Variants in GRIP1 observed in about 807,000 individuals in gnomAD.
GRIP1 encodes the protein glutamate receptor-interacting protein 1.
In GRIP1, 45 loss-of-function variants were observed where a neutral mutation model predicts 129.9. The ratio of observed to expected loss-of-function variants is 0.35; its 90% CI spans 0.27 to 0.44. The LOEUF is 0.44. Ranked by LOEUF, GRIP1 falls within the 20% of genes least tolerant of loss-of-function variation. The pLI, the probability that GRIP1 is intolerant of heterozygous loss-of-function variation, is 1.00. For missense variants in GRIP1, 1,196 were observed against 1,396.8 expected (o/e 0.86, Z 2.29); for synonymous variants, 530 against 520.8 (o/e 1.02, Z -0.24).
chr12:66,870,390 G>A (rs1487803870), intron 1 of GRIP1, among the ~76,000 whole-genome samples: 1 of 152,038 alleles, frequency 6.6e-6, no homozygotes, highest in African/African-American at 2.4e-5. Flanking sequence ...AGAAATGTTT[G>A]GTAATGTTAT....
At chr12:66,412,097 C>T (rs896608020) in intron 15 of GRIP1, among the ~76,000 whole-genome samples, 15 of 152,150 alleles carry the variant, frequency 9.9e-5, no homozygotes, top group Admixed American at 2.6e-4. Flanking sequence ...CCTAGCAAGA[C>T]AGGCCAACAT....
chr12:66,451,418 T>TTTTTTTTTTTC (rs2058801429), intron 11 of GRIP1, among the ~76,000 whole-genome samples: 1 of 115,228 alleles, frequency 8.7e-6, no homozygotes, highest in African/African-American at 3.7e-5. Context: ...TTTTTTTTTT[T>TTTTTTTTTTTC]TTTCAGATAG....
At chr12:66,358,662 T>C (rs2054606372) in intron 23 of GRIP1, among the ~76,000 whole-genome samples, 1 of 152,114 alleles carries the variant, frequency 6.6e-6, no homozygotes, top group South Asian at 2.1e-4. Flanking sequence ...TTGGCCAGGA[T>C]GGTCTTGAAC....
At chr12:66,777,394 C>T (rs148626233) in intron 1 of GRIP1, among the ~76,000 whole-genome samples, 1 of 152,270 alleles carries the variant, frequency 6.6e-6, no homozygotes, top group Non-Finnish European at 1.5e-5. Flanking sequence ...AGATATTGAG[C>T]AAACCTCACC....
intron 1 of GRIP1, among the ~76,000 whole-genome samples, chr12:66,777,689 T>G (rs1216400381): frequency 6.6e-6 from 1 of 152,166 alleles, no homozygotes; most frequent in Non-Finnish European, 1.5e-5. Context: ...GGACCACACA[T>G]ATATGTACAC....
At chr12:66,753,097 A>G (rs2037178255) in intron 1 of GRIP1, among the ~76,000 whole-genome samples, 1 of 152,128 alleles carries the variant, frequency 6.6e-6, no homozygotes, top group Non-Finnish European at 1.5e-5. Context: ...ATTCTAGCCA[A>G]AATAGAACAT....
chr12:66,861,044 A>G (rs2040103412), intron 1 of GRIP1, among the ~76,000 whole-genome samples: 1 of 152,078 alleles, frequency 6.6e-6, no homozygotes, highest in Non-Finnish European at 1.5e-5. Flanking sequence ...ATATATCTCT[A>G]CCTTATTAGG....
intron 11 of GRIP1, among the ~76,000 whole-genome samples, chr12:66,450,210 A>G (rs1313602425): frequency 6.8e-6 from 1 of 147,106 alleles, no homozygotes; most frequent in African/African-American, 2.5e-5. Flanking sequence ...AGGCTGAGGC[A>G]GCAGAATGGC....
chr12:67,062,165 A>T (rs1413854250), intron 1 of GRIP1, among the ~76,000 whole-genome samples: 1 of 152,192 alleles, frequency 6.6e-6, no homozygotes, highest in Non-Finnish European at 1.5e-5. Flanking sequence ...CCTCTGTTGG[A>T]AGCCTATCAA....
rs1021625413 is a variant in GRIP1, at chr12:66,347,657, T to C, written c.*1362A>G. 1.3e-5 allele frequency: 2 copies of C among 152,228 alleles called. No homozygotes were observed. Among genetic ancestry groups the C allele is most frequent in the Non-Finnish European group, 2.9e-5 (2 of 68,032 alleles). 9.4% of individuals were successfully genotyped at this position (152,228 alleles called of 1,614,324 possible). A position where few individuals can be genotyped will look rare whatever the true frequency, so the allele number is the denominator to read the frequency against. On this transcript the variant is annotated 3_prime_UTR_variant, in exon 25 of 25. Transcript: ENST00000359742. Reference sequence around the variant, plus strand: ...ACATATTTAAGTGACTCATGATCTTTTTTTCTTTTTTCTTAACATGATCCT... The same window carrying C: ...ACATATTTAAGTGACTCATGATCTTCTTTTCTTTTTTCTTAACATGATCCT...
At chr12:67,027,005 C>G (rs1206818452) in intron 1 of GRIP1, among the ~76,000 whole-genome samples, 1 of 152,168 alleles carries the variant, frequency 6.6e-6, no homozygotes, top group Non-Finnish European at 1.5e-5. Flanking sequence ...TCACTACAGC[C>G]TCGACCTCCA....
intron 1 of GRIP1, among the ~76,000 whole-genome samples, chr12:66,916,771 GA>G (rs987018005): frequency 2.7e-5 from 4 of 150,464 alleles, no homozygotes; most frequent in South Asian, 4.2e-4. Context: ...CCTCTAATAG[GA>G]AAAAAAAATC....
intron 1 of GRIP1, among the ~76,000 whole-genome samples, chr12:66,844,008 GAA>G (rs1276495738): frequency 6.6e-6 from 1 of 152,052 alleles, no homozygotes; most frequent in Non-Finnish European, 1.5e-5. Flanking sequence ...TCAACATATT[GAA>G]AAGTCAGCCT....
At position 66,539,545 on chromosome 12, in the gene GRIP1, C is replaced by CTTTTTTTTTTT. The variant is rs35373698; in HGVS notation, c.273-333_273-323dup. ...CACCATAAAACAAAATCAAGAGAAG[C>CTTTTTTTTTTT]TTTTTTTTTTTTTTTTTTTTTTTTC... On this transcript the variant is annotated intron_variant, in intron 3 of 24. Coordinates refer to ENST00000359742, the MANE Select transcript of GRIP1 (RefSeq NM_001366722.1). Among the ~76,000 whole-genome samples, 396 of 59,292 alleles carry CTTTTTTTTTTT rather than the reference C, an allele frequency of 6.7e-3. 1 individual carries two copies. Among genetic ancestry groups the CTTTTTTTTTTT allele is most frequent in the Non-Finnish European group, 8.2e-3 (274 of 33,412 alleles). The allele number at this position is 59,292 out of a possible 152,430, so 38.9% of individuals were successfully genotyped here.
At chr12:66,989,859 T>C (rs1486424590) in intron 1 of GRIP1, among the ~76,000 whole-genome samples, 20 of 152,172 alleles carry the variant, frequency 1.3e-4, no homozygotes, top group Non-Finnish European at 2.1e-4. Flanking sequence ...ATCAGCTCTA[T>C]TGACTGCTGC....
intron 2 of GRIP1, among the ~76,000 whole-genome samples, chr12:66,595,086 C>T (rs773691309): frequency 4.6e-5 from 7 of 152,172 alleles, no homozygotes; most frequent in Non-Finnish European, 1.0e-4. Flanking sequence ...AAATTCTGAA[C>T]ACTCCTAATA....
At chr12:66,377,804 T>G (rs973848758) in intron 20 of GRIP1, among the ~76,000 whole-genome samples, 1 of 152,058 alleles carries the variant, frequency 6.6e-6, no homozygotes, top group East Asian at 1.9e-4. Context: ...ATGGAAAGGA[T>G]GGTCCATGGT....
At chr12:66,820,311 C>T (rs1404611897) in intron 1 of GRIP1, among the ~76,000 whole-genome samples, 1 of 152,182 alleles carries the variant, frequency 6.6e-6, no homozygotes, top group African/African-American at 2.4e-5. Context: ...GAAAGCACTA[C>T]ACACCTATTA....
chr12:66,754,491 G>A lies in GRIP1; in HGVS notation c.-420+49562C>T, dbSNP rs571501446. On this transcript the variant is annotated intron_variant, in intron 1 of 4. Transcript: ENST00000538373. ...AGGATACAATTAGATTAAGTTGCGG[G>A]TTTAAATAACGAGAGAGACAACATA... Among the ~76,000 whole-genome samples, 5 of 152,202 alleles carry A rather than the reference G, an allele frequency of 3.3e-5. No individual in the cohort carries two copies. In the South Asian group the frequency reaches 1.0e-3, roughly 32 times the overall value.
Sources: gnomAD v4.1 joint callset for allele counts (sites outside exome capture counted in the v4.1 genomes callset) on GRCh38, gnomAD v4.1.1 for gene constraint, MANE v1.5 for transcripts, NCBI Gene and HGNC (gene_info 2026-07-23, HGNC 2026-07-21) for gene names.